Variants in TRIP13 observed in about 807,000 individuals in gnomAD.
The protein encoded by TRIP13 is pachytene checkpoint protein 2 homolog.
TRIP13 carries 25 observed loss-of-function variants against 54.4 expected under a neutral mutation model. The ratio of observed to expected loss-of-function variants is 0.46; its 90% CI spans 0.33 to 0.64. TRIP13 has a LOEUF of 0.64. Among genes scored for constraint, TRIP13 ranks in the 30% least tolerant of loss-of-function variants. The pLI, the probability that TRIP13 is intolerant of heterozygous loss-of-function variation, is 0.02. For synonymous variants in TRIP13, 207 were observed against 207.8 expected (o/e 1.00, Z 0.03); for missense variants, 373 against 534.2 (o/e 0.70, Z 2.97).
At position 914,527 on chromosome 5, in the gene TRIP13, C is replaced by T. The variant is rs576071431; in HGVS notation, c.1083C>T (p.Phe361=). The T allele has an allele frequency of 1.2e-6, 2 of 1,613,718 alleles. No homozygotes were observed. Among genetic ancestry groups the T allele is most frequent in the Admixed American group, 1.7e-5 (1 of 60,018 alleles). ...TCCGAGAGCTAGAGATGATTGGCTT[C>T]ATTGAAAACAACGTGTCAAAATTGA... ...LTLRELEMIG[F]IENNVSKLSL... Residue 361 remains phenylalanine (F), a synonymous_variant, in exon 11 of 13, where the codon TTC becomes TTT. Coordinates refer to ENST00000166345, the MANE Select transcript of TRIP13 (RefSeq NM_004237.4).
At chr5:909,837 C>T (rs957983062) in intron 9 of TRIP13, among the ~76,000 whole-genome samples, 36 of 152,252 alleles carry the variant, frequency 2.4e-4, no homozygotes, top group Non-Finnish European at 4.1e-4. Flanking sequence ...AGGCACAGAT[C>T]GCTCATGCTA....
Position 908,123 on chromosome 5 carries a change from T to C in TRIP13, c.759+49T>C. 6.2e-7 allele frequency: 1 copy of C among 1,601,384 alleles called. No homozygotes were observed. Among genetic ancestry groups the C allele is most frequent in the Non-Finnish European group, 8.6e-7 (1 of 1,168,468 alleles). On this transcript the variant is annotated intron_variant, in intron 8 of 12. Coordinates refer to ENST00000166345, the MANE Select transcript of TRIP13 (RefSeq NM_004237.4). The surrounding 1 kb of genome is among the most constrained non-coding windows in gnomAD (Gnocchi z 5.2). ...TTCATGACAGAATCGCCTTTTGCCA[T>C]TGTGGGGACACAGCCTACTCCTGAT...
At chr5:919,237 T>C (rs1271245212), downstream of TRIP13, 2 of 152,196 alleles carry the variant, frequency 1.3e-5, no homozygotes, top group Non-Finnish European at 2.9e-5. Flanking sequence ...GAGGTCAGCC[T>C]TGTGGAGCCC....
rs774471851 is a variant in TRIP13, at chr5:912,047, CTTAA to C, written c.1020+60_1020+63del. Reference sequence around the variant, plus strand: ...GATACAAATGGATTTCTTATATGTTCTTAATTAATTAAGATAGCTTAAAATAAGC... The same window carrying C: ...GATACAAATGGATTTCTTATATGTTCTTAATTAAGATAGCTTAAAATAAGC... On this transcript the variant is annotated intron_variant, in intron 10 of 12. Transcript: ENST00000166345. The surrounding 1 kb of genome is among the most constrained non-coding windows in gnomAD (Gnocchi z 7.2). The C allele has an allele frequency of 1.1e-5, 17 of 1,571,392 alleles. No homozygotes were observed. The East Asian group carries it at 3.1e-4, about 29-fold the overall frequency.
chr5:914,787 A>G (rs1754310582), intron 11 of TRIP13, among the ~76,000 whole-genome samples: 3 of 151,716 alleles, frequency 2.0e-5, no homozygotes, highest in African/African-American at 7.3e-5. Context: ...TCCAAAGGAG[A>G]TGTAACCCTT....
Position 907,260 on chromosome 5 carries a change from C to A in TRIP13, c.672+67C>A. On this transcript the variant is annotated intron_variant, in intron 7 of 12. Coordinates refer to ENST00000166345, the MANE Select transcript of TRIP13 (RefSeq NM_004237.4). The surrounding 1 kb of genome is among the most constrained non-coding windows in gnomAD (Gnocchi z 4.1). The stretch of plus-strand genomic sequence containing the variant: ...CTGAAAAAATGTCTTGTATGTTAGG[C>A]AAATCCTCCTCCAGAAGCTTCAGGA... 1 of 1,367,118 alleles carries A rather than the reference C, an allele frequency of 7.3e-7. No individual in the cohort carries two copies. 84.7% of individuals were successfully genotyped at this position (1,367,118 alleles called of 1,614,324 possible).
Position 908,311 on chromosome 5 carries a change from T to C in TRIP13, c.760-44T>C, listed in dbSNP as rs1245511580. ...CGTATCCCCATAGCTGCCTGTGAAGTGCCAGGCCCTGTCCTTTTTGACCCC... is the reference window on the plus strand; with the variant it reads ...CGTATCCCCATAGCTGCCTGTGAAGCGCCAGGCCCTGTCCTTTTTGACCCC... On this transcript the variant is annotated intron_variant, in intron 8 of 12. Coordinates refer to ENST00000166345, the MANE Select transcript of TRIP13 (RefSeq NM_004237.4). This position sits in a 1 kb window ranked among gnomAD's most constrained non-coding sequence, Gnocchi z 5.2. 6.3e-7 allele frequency: 1 copy of C among 1,597,668 alleles called. No individual in the cohort carries two copies. The highest frequency in any genetic ancestry group is 8.5e-7 in the Non-Finnish European group (1 of 1,172,298).
chr5:916,857 G>A, intron 12 of TRIP13, 151 bp from the exon 13 acceptor site: 1 of 534,508 alleles, frequency 1.9e-6, no homozygotes, highest in African/African-American at 2.0e-5. Context: ...GTGCGTCCTG[G>A]ACGTGTGTGG....
chr5:911,177 G>C lies in TRIP13; in HGVS notation c.867-666G>C, dbSNP rs779472416. On this transcript the variant is annotated intron_variant, in intron 9 of 12. Transcript: ENST00000166345. The surrounding 1 kb of genome is among the most constrained non-coding windows in gnomAD (Gnocchi z 4.7). ...GATCATGAACATGGGAAGTAACCCA[G>C]CTCTAGAGTATGTCTAGGGATGATG... 6.6e-6 allele frequency among the ~76,000 whole-genome samples: 1 copy of C among 152,230 alleles called. No individual in the cohort carries two copies. Among genetic ancestry groups the C allele is most frequent in the Non-Finnish European group, 1.5e-5 (1 of 68,030 alleles).
At chr5:910,820 A>G (rs1754215551) in intron 9 of TRIP13, among the ~76,000 whole-genome samples, 1 of 152,096 alleles carries the variant, frequency 6.6e-6, no homozygotes, top group Non-Finnish European at 1.5e-5. Flanking sequence ...CTGGTGCTGG[A>G]CTGAGCAGCT....
At chr5:901,206 TG>T in intron 4 of TRIP13, 134 bp from the exon 5 acceptor site, 1 of 626,162 alleles carries the variant, frequency 1.6e-6, no homozygotes, top group Non-Finnish European at 2.7e-6. Context: ...TTGGAGGTGA[TG>T]ATCTCTTAGG....
Position 917,193 on chromosome 5 carries a change from C to T in TRIP13, c.*90C>T. The T allele has an allele frequency of 7.8e-7, 1 of 1,276,684 alleles. No individual in the cohort carries two copies. Among genetic ancestry groups the T allele is most frequent in the Non-Finnish European group, 1.1e-6 (1 of 910,814 alleles). The allele number at this position is 1,276,684 out of a possible 1,614,324, so 79.1% of individuals were successfully genotyped here. A position where few individuals can be genotyped will look rare whatever the true frequency, so the allele number is the denominator to read the frequency against. ...CACACAGCCGTCTCCCAGGGAATCC[C>T]TTCTGCAAACCAAACGTTACTTAGA... On this transcript the variant is annotated 3_prime_UTR_variant, in exon 13 of 13. Transcript: ENST00000166345.
At chr5:914,442 C>T (rs753203678) in intron 10 of TRIP13, 23 bp from the exon 11 acceptor site, 18 of 1,586,460 alleles carry the variant, frequency 1.1e-5, no homozygotes, top group South Asian at 8.8e-5. Context: ...CTCAGCTAAC[C>T]GCCTGTACTT....
chr5:900,833 C>T (rs1753970278), intron 4 of TRIP13, among the ~76,000 whole-genome samples: 1 of 152,144 alleles, frequency 6.6e-6, no homozygotes, highest in African/African-American at 2.4e-5. Context: ...GCCTGGTCCG[C>T]ACAAAGGAAA....
At chr5:914,192 C>T (rs912541137) in intron 10 of TRIP13, among the ~76,000 whole-genome samples, 1 of 152,152 alleles carries the variant, frequency 6.6e-6, no homozygotes, top group Non-Finnish European at 1.5e-5. Flanking sequence ...AAAGTTTTGG[C>T]TCGAAACACA....
rs757692567 is a variant in TRIP13 at position 901,443 on chromosome 5, A to G, written c.535+12A>G. 1 of 1,613,090 alleles carries G rather than the reference A, an allele frequency of 6.2e-7. No individual in the cohort carries two copies. The highest frequency in any genetic ancestry group is 8.5e-7 in the Non-Finnish European group (1 of 1,179,560). On this transcript the variant is annotated intron_variant, in intron 5 of 12. Transcript: ENST00000166345. ...GGTGCTGCTCCACGGTAAATTATGCAGGCTTTTATTTGACCAGATAAGTGG... is the reference window on the plus strand; with the variant it reads ...GGTGCTGCTCCACGGTAAATTATGCGGGCTTTTATTTGACCAGATAAGTGG...
At chr5:919,261 A>ATC (rs1301697243), downstream of TRIP13, 1 of 152,228 alleles carries the variant, frequency 6.6e-6, no homozygotes, top group Admixed American at 6.5e-5. Flanking sequence ...CTGCACTCAG[A>ATC]TGAGATCTGT....
At chr5:893,599 A>G (rs778600193) in intron 1 of TRIP13, 1 of 185,482 alleles carries the variant, frequency 5.4e-6, no homozygotes, top group Non-Finnish European at 1.2e-5. Context: ...TTTGTGACCA[A>G]GTCAGTTCAT....
chr5:916,837 C>T (rs569845252), intron 12 of TRIP13, among the ~76,000 whole-genome samples, 171 bp from the exon 13 acceptor site: 15 of 152,282 alleles, frequency 9.9e-5, no homozygotes, highest in African/African-American at 3.1e-4. Flanking sequence ...AAGTAAAGAG[C>T]TTGGCTGATG....
Sources: allele counts gnomAD v4.1 joint callset (sites outside exome capture counted in the v4.1 genomes callset), GRCh38; gene constraint gnomAD v4.1.1; non-coding constraint Gnocchi (gnomAD v3.1); transcripts MANE v1.5; gene names NCBI Gene and HGNC (gene_info 2026-07-23, HGNC 2026-07-21).